Variants in UBE2E2 observed in about 807,000 individuals in gnomAD.
The protein encoded by UBE2E2 is ubiquitin-conjugating enzyme E2 E2.
A neutral mutation model predicts 24.7 loss-of-function variants in UBE2E2; 6 were observed. The observed-to-expected ratio is 0.24, with a 90% CI of 0.13 to 0.48. The LOEUF is 0.48. Ranked by LOEUF, UBE2E2 falls within the 20% of genes least tolerant of loss-of-function variation. UBE2E2 has a pLI of 0.99. For missense variants in UBE2E2, 169 were observed against 245.0 expected, an observed-to-expected ratio of 0.69 and a Z score of 2.07; for synonymous variants, 104 against 83.6, an observed-to-expected ratio of 1.24 and a Z score of -1.33.
rs1334931169 is a variant in UBE2E2 at position 23,577,851 on chromosome 3, C to T, written c.509-11883C>T. On this transcript the variant is annotated intron_variant, in intron 5 of 5. Coordinates refer to ENST00000396703, the MANE Select transcript of UBE2E2 (RefSeq NM_152653.4). Reference sequence around the variant, plus strand: ...TGGTGACTTCAAGTTGAAGCCAGTGCTCATTTACCATTTCAAAAATCCTAG... The same window carrying T: ...TGGTGACTTCAAGTTGAAGCCAGTGTTCATTTACCATTTCAAAAATCCTAG... 2.0e-5 allele frequency among the ~76,000 whole-genome samples: 3 copies of T among 152,036 alleles called. No individual in the cohort carries two copies. In the East Asian group the frequency reaches 5.8e-4, roughly 29 times the overall value.
intron 3 of UBE2E2, among the ~76,000 whole-genome samples, chr3:23,352,768 G>T (rs1695796049): frequency 6.6e-6 from 1 of 152,092 alleles, no homozygotes; most frequent in South Asian, 2.1e-4. Context: ...AAAGAGTCCA[G>T]GACCAGATGG....
chr3:23,257,530 C>CCCCCCCCA (rs1559459188), intron 3 of UBE2E2, among the ~76,000 whole-genome samples: 1 of 16,258 alleles, frequency 6.2e-5, no homozygotes, highest in Non-Finnish European at 1.0e-4. Flanking sequence ...CCCCCCCCCA[C>CCCCCCCCA]TTTTTTTTTT....
At chr3:23,236,249 ATTAC>A (rs145928995) in intron 3 of UBE2E2, among the ~76,000 whole-genome samples, 1 of 152,278 alleles carries the variant, frequency 6.6e-6, no homozygotes, top group East Asian at 1.9e-4. Context: ...TAAAGTTGTA[ATTAC>A]TTTCTTCACC....
chr3:23,544,184 A>G (rs774812571), intron 5 of UBE2E2, among the ~76,000 whole-genome samples: 24 of 152,200 alleles, frequency 1.6e-4, no homozygotes, highest in Non-Finnish European at 3.2e-4. Context: ...CCGAAAGCAA[A>G]TGCAGCAAAA....
intron 3 of UBE2E2, among the ~76,000 whole-genome samples, chr3:23,356,867 C>T (rs1303168604): frequency 2.0e-5 from 3 of 152,176 alleles, no homozygotes; most frequent in African/African-American, 7.2e-5. Context: ...AAAAACTGGT[C>T]CCTGGTGCCA....
chr3:23,559,697 A>G (rs967020129), intron 5 of UBE2E2, among the ~76,000 whole-genome samples: 1 of 152,132 alleles, frequency 6.6e-6, no homozygotes, highest in African/African-American at 2.4e-5. Context: ...TAAGAATTTT[A>G]AGTCTGGTTA....
intron 3 of UBE2E2, among the ~76,000 whole-genome samples, chr3:23,328,724 C>T (rs1008154113): frequency 2.0e-5 from 3 of 151,110 alleles, no homozygotes; most frequent in Admixed American, 1.3e-4. Context: ...TGCAGTGGCG[C>T]GATCTTGACT....
intron 3 of UBE2E2, among the ~76,000 whole-genome samples, chr3:23,341,293 A>G (rs1695381894): frequency 6.6e-6 from 1 of 152,096 alleles, no homozygotes; most frequent in African/African-American, 2.4e-5. Context: ...CCAGACAGGA[A>G]CCCATTAACT....
chr3:23,282,971 A>T (rs1325335578), intron 3 of UBE2E2, among the ~76,000 whole-genome samples: 2 of 152,144 alleles, frequency 1.3e-5, no homozygotes, highest in Admixed American at 6.5e-5. Context: ...AAAATTCATT[A>T]AAAAAATCAG....
chr3:23,449,874 A>G, intron 3 of UBE2E2: 1 of 985,422 alleles, frequency 1.0e-6, no homozygotes, highest in East Asian at 1.1e-4. Flanking sequence ...CAGCCCTATA[A>G]TGGGGAAGGT....
chr3:23,563,216 A>C (rs980317836), intron 5 of UBE2E2, among the ~76,000 whole-genome samples: 5 of 152,146 alleles, frequency 3.3e-5, no homozygotes, highest in Admixed American at 3.3e-4. Flanking sequence ...TAGTGCTATA[A>C]ATTTCCCTCT....
chr3:23,248,066 G>A (rs377621477), intron 3 of UBE2E2, among the ~76,000 whole-genome samples: 8 of 152,244 alleles, frequency 5.3e-5, no homozygotes, highest in South Asian at 2.1e-4. Flanking sequence ...AATCAATTTC[G>A]TCCTCATTTT....
chr3:23,561,464 G>C, intron 5 of UBE2E2, among the ~76,000 whole-genome samples: 1 of 152,164 alleles, frequency 6.6e-6, no homozygotes, highest in Non-Finnish European at 1.5e-5. Context: ...ATGCTGTTTT[G>C]GTTACTATGG....
At chr3:23,382,996 A>G (rs1489709052) in intron 3 of UBE2E2, among the ~76,000 whole-genome samples, 1 of 152,222 alleles carries the variant, frequency 6.6e-6, no homozygotes, top group Non-Finnish European at 1.5e-5. Flanking sequence ...CTGAAGTCTA[A>G]GAAGAGTAGT....
At chr3:23,248,595 C>T (rs73149689) in intron 3 of UBE2E2, among the ~76,000 whole-genome samples, 6,645 of 152,276 alleles carry the variant, frequency 0.044, 496 homozygotes, top group African/African-American at 0.15. Flanking sequence ...GTAAATTCAA[C>T]TATGTATAGT....
At chr3:23,215,707 C>T (rs1338127958) in intron 2 of UBE2E2, among the ~76,000 whole-genome samples, 1 of 152,076 alleles carries the variant, frequency 6.6e-6, no homozygotes, top group Non-Finnish European at 1.5e-5. Flanking sequence ...GTGACCACCA[C>T]CCTTCTCTTT....
intron 3 of UBE2E2, among the ~76,000 whole-genome samples, chr3:23,297,223 G>A (rs148840006): frequency 0.074 from 11,295 of 152,036 alleles, 545 homozygotes; most frequent in Non-Finnish European, 0.092. Flanking sequence ...TTTGTCAGAT[G>A]AGTAGGTTGC....
intron 5 of UBE2E2, among the ~76,000 whole-genome samples, chr3:23,542,015 A>T (rs1308283328): frequency 6.6e-6 from 1 of 152,210 alleles, no homozygotes; most frequent in African/African-American, 2.4e-5. Flanking sequence ...GGCCTAGAGA[A>T]GATGTCTTCA....
chr3:23,363,775 T>C (rs940356832), intron 3 of UBE2E2, among the ~76,000 whole-genome samples: 1 of 151,948 alleles, frequency 6.6e-6, no homozygotes, highest in Non-Finnish European at 1.5e-5. Flanking sequence ...GAACCAGAGC[T>C]CAACATTTGA....
Sources: allele counts gnomAD v4.1 joint callset (sites outside exome capture counted in the v4.1 genomes callset), GRCh38; gene constraint gnomAD v4.1.1; transcripts MANE v1.5; gene names NCBI Gene and HGNC (gene_info 2026-07-23, HGNC 2026-07-21).